SH3TC1: variants seen among roughly 807,000 people sequenced by gnomAD.
SH3TC1 encodes the protein SH3 domain and tetratricopeptide repeat-containing protein 1.
SH3TC1 carries 135 observed loss-of-function variants against 117.3 expected under a neutral mutation model. The observed-to-expected ratio is 1.15, with a 90% CI of 1.00 to 1.33. The LOEUF (loss-of-function observed/expected upper bound fraction) is 1.33. Ranked by LOEUF, SH3TC1 falls within the 40% of genes most tolerant of loss-of-function variation. The pLI, the probability that SH3TC1 is intolerant of heterozygous loss-of-function variation, is 0.00. For synonymous variants in SH3TC1, 898 were observed against 816.9 expected, an observed-to-expected ratio of 1.10 and a Z score of -1.69; for missense variants, 2,092 against 1,794.3, an observed-to-expected ratio of 1.17 and a Z score of -3.00.
chr4:8,212,007 C>T (rs1718781300), intron 3 of SH3TC1, among the ~76,000 whole-genome samples: 1 of 151,834 alleles, frequency 6.6e-6, no homozygotes, highest in African/African-American at 2.4e-5. Context: ...TCAGACCCGC[C>T]AAGGCTCAGA....
chr4:8,232,729 C>CA, intron 13 of SH3TC1: 1 of 1,289,980 alleles, frequency 7.8e-7, no homozygotes, highest in East Asian at 5.6e-5. Context: ...TTGCTGCACT[C>CA]ACACCCCTTC....
upstream of SH3TC1, among the ~76,000 whole-genome samples, chr4:8,197,701 T>A (rs1252884712): frequency 7.2e-6 from 1 of 139,114 alleles, no homozygotes; most frequent in Non-Finnish European, 1.6e-5. Flanking sequence ...ACCTGGGCCA[T>A]CCTCGAGTTC....
intron 9 of SH3TC1, 148 bp from the exon 10 acceptor site, chr4:8,222,692 T>G: frequency 1.9e-6 from 2 of 1,027,396 alleles, no homozygotes; most frequent in Non-Finnish European, 2.8e-6. Context: ...GTTGTTGTTG[T>G]TGTTTTTAAA....
chr4:8,189,609 G>C (rs943146644), intron 1 of SH3TC1, among the ~76,000 whole-genome samples: 1 of 152,176 alleles, frequency 6.6e-6, no homozygotes, highest in Non-Finnish European at 1.5e-5. Flanking sequence ...ACCAGGTGGG[G>C]AAAGAGAGGG....
chr4:8,202,191 G>A (rs984504328), intron 1 of SH3TC1, among the ~76,000 whole-genome samples: 3 of 152,186 alleles, frequency 2.0e-5, no homozygotes, highest in African/African-American at 4.8e-5. Flanking sequence ...TGCCAGGACC[G>A]CAGTCCTGCA....
intron 13 of SH3TC1, chr4:8,232,972 A>C: frequency 8.4e-7 from 1 of 1,195,172 alleles, no homozygotes; most frequent in Middle Eastern, 3.8e-4. Flanking sequence ...GGGGCAGGCC[A>C]GCAAGCTATA....
At position 8,240,948 on chromosome 4, in the gene SH3TC1, C is replaced by A. The variant is rs1486403930; in HGVS notation, c.4004C>A (p.Pro1335His). 2 of 1,609,746 alleles carry A rather than the reference C, an allele frequency of 1.2e-6. No homozygotes were observed. The highest frequency in any genetic ancestry group is 2.2e-5 in the East Asian group (1 of 44,892). ...GCCCCCTGGTTGGCCCCCAGCCACC[C>A]TCGCTGAGGACAGCATCCAAGGGAG... Reference protein sequence around the residue: ...GWAPWLAPSHPR With the variant: ...GWAPWLAPSHHR Residue 1335 changes from proline (P) to histidine (H), a missense_variant, in exon 18 of 18, where the codon CCT (proline) becomes CAT (histidine). By Grantham distance (77) the Pro-to-His change is moderately conservative. Coordinates refer to ENST00000245105, the MANE Select transcript of SH3TC1 (RefSeq NM_018986.5).
At chr4:8,198,578 C>T (rs1006501532), upstream of SH3TC1, among the ~76,000 whole-genome samples, 7 of 152,244 alleles carry the variant, frequency 4.6e-5, no homozygotes, top group East Asian at 1.9e-4. Context: ...GGCGAGATTA[C>T]GTGCTTTGGC....
chr4:8,223,065 C>T, intron 10 of SH3TC1, 95 bp downstream of exon 10: 4 of 1,478,804 alleles, frequency 2.7e-6, no homozygotes, highest in Non-Finnish European at 3.6e-6. Context: ...AGTGCCAGCC[C>T]CTGGATGCTG....
chr4:8,221,767 C>T (rs1226767788), intron 9 of SH3TC1, among the ~76,000 whole-genome samples: 1 of 152,198 alleles, frequency 6.6e-6, no homozygotes, highest in Non-Finnish European at 1.5e-5. Context: ...AGATCTTACT[C>T]AGATTTTGCC....
intron 14 of SH3TC1, among the ~76,000 whole-genome samples, chr4:8,234,903 A>T (rs1721669078): frequency 6.6e-6 from 1 of 152,254 alleles, no homozygotes; most frequent in Non-Finnish European, 1.5e-5. Flanking sequence ...CAGTTTCCAG[A>T]GGCTTTCCCA....
At position 8,233,389 on chromosome 4, in the gene SH3TC1, C is replaced by A; in HGVS notation, c.3158C>A (p.Thr1053Asn). 1 of 1,613,372 alleles carries A rather than the reference C, an allele frequency of 6.2e-7. No homozygotes were observed. Among genetic ancestry groups the A allele is most frequent in the Non-Finnish European group, 8.5e-7 (1 of 1,179,676 alleles). ...GCCTACAAATCCGCACTGGACTACA[C>A]CAAACGAAGTCTGGGGATTTTCATT... ...ERAYKSALDY[T>N]KRSLGIFIDL... The change falls in exon 14 of 18, where the codon ACC becomes AAC. Residue 1053 changes from threonine (T) to asparagine (N), a missense_variant. Thr to Asn is a moderately conservative substitution (Grantham distance 65). Coordinates refer to ENST00000245105, the MANE Select transcript of SH3TC1 (RefSeq NM_018986.5).
intron 2 of SH3TC1, among the ~76,000 whole-genome samples, chr4:8,207,077 CAAAAA>C (rs34956323): frequency 6.5e-5 from 9 of 138,626 alleles, no homozygotes; most frequent in Admixed American, 7.2e-5. Context: ...TCCTTTATAG[CAAAAA>C]AAAAAAAAAA....
rs1394962959 is a variant in SH3TC1, at chr4:8,227,222, G to A, written c.1528G>A (p.Gly510Arg). Residue 510 changes from glycine to arginine, a missense_variant, in exon 12 of 18, where the codon GGG (glycine) becomes AGG (arginine). Transcript: ENST00000245105. ...ACTGCTGCTGTTCCTGAACGCCCCTGGGTACAAGGCCAGCTTCCGTGGCCT... is the reference window on the plus strand; with the variant it reads ...ACTGCTGCTGTTCCTGAACGCCCCTAGGTACAAGGCCAGCTTCCGTGGCCT... ...SSLLLFLNAP[G>R]YKASFRGLYD... 9 of 1,572,156 alleles carry A rather than the reference G, an allele frequency of 5.7e-6. No individual in the cohort carries two copies. The highest frequency in any genetic ancestry group is 1.4e-5 in the African/African-American group (1 of 73,880).
Position 8,228,011 on chromosome 4 carries a change from C to T in SH3TC1, c.2317C>T (p.Leu773=), listed in dbSNP as rs1467682451. The change falls in exon 12 of 18, where the codon CTG becomes TTG. Residue 773 remains leucine, a synonymous_variant. Coordinates refer to ENST00000245105, the MANE Select transcript of SH3TC1 (RefSeq NM_018986.5). ...AQTSHYLRQA[L]ASLTPGTGQA... ...AACTTCCCACTACCTCAGGCAAGCG[C>T]TGGCCTCCCTGACCCCGGGCACAGG... 1 of 1,611,706 alleles carries T rather than the reference C, an allele frequency of 6.2e-7. No homozygotes were observed.
chr4:8,238,728 G>C (rs536252213), intron 17 of SH3TC1, among the ~76,000 whole-genome samples: 1 of 152,306 alleles, frequency 6.6e-6, no homozygotes, highest in Admixed American at 6.5e-5. Context: ...ACTGCTCAGG[G>C]GCTGGCCTGG....
rs73798649 is a variant in SH3TC1 at position 8,202,808 on chromosome 4, G to A, written c.-28-2359G>A. ...CTATGCCTCATAGAACCTCCCTCAC[G>A]GAACCATCACTATTCTGTCGAAATT... is the stretch of plus-strand genomic sequence containing the variant. On this transcript the variant is annotated intron_variant, in intron 1 of 17. Transcript: ENST00000245105. Among the ~76,000 whole-genome samples, 446 of 152,302 alleles carry A rather than the reference G, an allele frequency of 2.9e-3. 1 individual carries two copies. Among genetic ancestry groups the A allele is most frequent in the African/African-American group, 9.5e-3 (396 of 41,566 alleles).
At chr4:8,193,006 T>C (rs1717461586) in intron 1 of SH3TC1, among the ~76,000 whole-genome samples, 1 of 152,236 alleles carries the variant, frequency 6.6e-6, no homozygotes. Flanking sequence ...TGACCACATC[T>C]GGCCCCCTGT....
chr4:8,208,853 C>A (rs1335794920), intron 2 of SH3TC1, among the ~76,000 whole-genome samples: 1 of 152,260 alleles, frequency 6.6e-6, no homozygotes, highest in African/African-American at 2.4e-5. Context: ...GCGCCCAGGG[C>A]TCTGAGTGAG....
Sources: gnomAD v4.1 joint callset for allele counts (sites outside exome capture counted in the v4.1 genomes callset) on GRCh38, gnomAD v4.1.1 for gene constraint, MANE v1.5 for transcripts, NCBI Gene and HGNC (gene_info 2026-07-23, HGNC 2026-07-21) for gene names.